The following NAMPT variants were observed in gnomAD, a reference collection of about 807,000 sequenced individuals.
The protein encoded by NAMPT is nicotinamide phosphoribosyltransferase.
In NAMPT, 7 loss-of-function variants were observed where a neutral mutation model predicts 58.7. The observed-to-expected ratio is 0.12, with a 90% CI of 0.07 to 0.22. The LOEUF is 0.22. Ranked by LOEUF, NAMPT falls within the 10% of genes least tolerant of loss-of-function variation. The pLI, the probability that NAMPT is intolerant of heterozygous loss-of-function variation, is 1.00. For synonymous variants in NAMPT, 145 were observed against 198.1 expected, an observed-to-expected ratio of 0.73 and a Z score of 2.25; for missense variants, 271 against 567.9, an observed-to-expected ratio of 0.48 and a Z score of 5.31.
chr7:106,284,648 T>G, intron 1 of NAMPT, 180 bp downstream of exon 1: 3 of 606,056 alleles, frequency 5.0e-6, no homozygotes, highest in Non-Finnish European at 6.5e-6. Flanking sequence ...TCCTGCCCAC[T>G]GCGGCGCCTC....
intron 8 of NAMPT, among the ~76,000 whole-genome samples, chr7:106,259,870 G>A (rs551556531): frequency 2.1e-5 from 3 of 142,034 alleles, no homozygotes; most frequent in African/African-American, 7.7e-5. Context: ...ATGATATTTC[G>A]AAACAATCTT....
intron 4 of NAMPT, among the ~76,000 whole-genome samples, chr7:106,271,430 A>C (rs28537611): frequency 0.023 from 3,446 of 152,124 alleles, 138 homozygotes; most frequent in African/African-American, 0.079. Context: ...TGAATTGCCA[A>C]CTCTCACTCA....
At chr7:106,251,943 C>G (rs1792111134) in intron 10 of NAMPT, among the ~76,000 whole-genome samples, 1 of 151,852 alleles carries the variant, frequency 6.6e-6, no homozygotes, top group Admixed American at 6.6e-5. Flanking sequence ...AATTTTCCAC[C>G]TAGTCTGAAG....
intron 9 of NAMPT, 140 bp from the exon 10 acceptor site, chr7:106,253,291 C>G: frequency 1.2e-6 from 1 of 807,580 alleles, no homozygotes; most frequent in Non-Finnish European, 1.9e-6. Flanking sequence ...CAATCCACAT[C>G]TGGCTTTCAG....
intron 6 of NAMPT, among the ~76,000 whole-genome samples, chr7:106,267,872 A>AAAAAAAAAAAACAAAAC (rs1562815992): frequency 7.3e-6 from 1 of 136,200 alleles, no homozygotes; most frequent in African/African-American, 2.9e-5. Context: ...AAAAAAAAAA[A>AAAAAAAAAAAACAAAAC]AAAACAACCT....
intron 1 of NAMPT, among the ~76,000 whole-genome samples, chr7:106,278,820 C>A (rs1792700049): frequency 6.6e-6 from 1 of 152,150 alleles, no homozygotes; most frequent in Non-Finnish European, 1.5e-5. Flanking sequence ...AAGAAAAGCA[C>A]ACACGATGAA....
At chr7:106,283,923 G>T (rs1792812931) in intron 1 of NAMPT, among the ~76,000 whole-genome samples, 1 of 152,190 alleles carries the variant, frequency 6.6e-6, no homozygotes, top group Non-Finnish European at 1.5e-5. Flanking sequence ...TGCTGCTCAA[G>T]TAAAATTTAC....
At chr7:106,262,739 CTG>C (rs947140762) in intron 7 of NAMPT, among the ~76,000 whole-genome samples, 3 of 152,040 alleles carry the variant, frequency 2.0e-5, no homozygotes, top group Non-Finnish European at 4.4e-5. Context: ...TTTTAAGCCT[CTG>C]TTTTTTTCTT....
upstream of NAMPT, chr7:106,285,159 C>T (rs1051160260): frequency 5.9e-5 from 74 of 1,250,904 alleles, no homozygotes; most frequent in Admixed American, 1.2e-4. Context: ...CCCCGTCACC[C>T]TCCGGGGGCC....
At chr7:106,258,398 T>C (rs920912257) in intron 8 of NAMPT, among the ~76,000 whole-genome samples, 1 of 152,260 alleles carries the variant, frequency 6.6e-6, no homozygotes, top group Non-Finnish European at 1.5e-5. Context: ...TTGTGTTTCA[T>C]AGCTGTAGAT....
chr7:106,254,058 T>C (rs1792151923), intron 9 of NAMPT, among the ~76,000 whole-genome samples: 1 of 152,142 alleles, frequency 6.6e-6, no homozygotes, highest in South Asian at 2.1e-4. Flanking sequence ...AAGCTGACAT[T>C]CCTACTCAAA....
intron 4 of NAMPT, 141 bp from the exon 5 acceptor site, chr7:106,269,453 T>C: frequency 1.4e-6 from 1 of 740,556 alleles, no homozygotes; most frequent in Non-Finnish European, 2.1e-6. Context: ...CGCAGCAGGA[T>C]GCCTGCTGTG....
chr7:106,262,759 A>G (rs1053060173), intron 7 of NAMPT, among the ~76,000 whole-genome samples: 1 of 152,116 alleles, frequency 6.6e-6, no homozygotes, highest in Non-Finnish European at 1.5e-5. Context: ...CTTCTATAAC[A>G]GAGACAGTAA....
At chr7:106,279,398 G>C (rs1237322704) in intron 1 of NAMPT, among the ~76,000 whole-genome samples, 1 of 150,142 alleles carries the variant, frequency 6.7e-6, no homozygotes, top group African/African-American at 2.4e-5. Context: ...GTTTACAGAA[G>C]AATACAGAGC....
At chr7:106,270,268 ATTG>A (rs1792507468) in intron 4 of NAMPT, 2 of 411,986 alleles carry the variant, frequency 4.9e-6, no homozygotes, top group Non-Finnish European at 1.0e-5. Context: ...TATAAACCAG[ATTG>A]TTATTTGAAG....
Position 106,267,668 on chromosome 7 carries a change from C to T in NAMPT, c.743+796G>A, listed in dbSNP as rs990232133. Among the ~76,000 whole-genome samples, 16 of 150,432 alleles carry T rather than the reference C, an allele frequency of 1.1e-4. No individual in the cohort carries two copies. The East Asian group carries it at 2.5e-3, about 24-fold the overall frequency. Reference sequence around the variant, plus strand: ...CATCCTGACTAAAACGGTGAAACCCCGTCTCTACTAAAAATACAAAAAATT... The same window carrying T: ...CATCCTGACTAAAACGGTGAAACCCTGTCTCTACTAAAAATACAAAAAATT... On this transcript the variant is annotated intron_variant, in intron 6 of 10. Transcript: ENST00000222553.
intron 7 of NAMPT, 42 bp downstream of exon 7, chr7:106,263,350 T>C: frequency 7.1e-7 from 1 of 1,400,586 alleles, no homozygotes. Flanking sequence ...GCAGCTGGCC[T>C]ACAGAGGGAT....
At chr7:106,276,717 C>A in intron 2 of NAMPT, 1 of 284,520 alleles carries the variant, frequency 3.5e-6, no homozygotes, top group Non-Finnish European at 6.9e-6. Context: ...TGGTGCATGC[C>A]TGTAATCCCA....
intron 8 of NAMPT, 129 bp downstream of exon 8, chr7:106,261,457 GCA>G (rs1489060651): frequency 5.5e-6 from 4 of 728,760 alleles, no homozygotes; most frequent in Non-Finnish European, 8.7e-6. Flanking sequence ...TTTAAGCAAT[GCA>G]CAGAGATTTA....
Sources: allele counts gnomAD v4.1 joint callset (sites outside exome capture counted in the v4.1 genomes callset), GRCh38; gene constraint gnomAD v4.1.1; transcripts MANE v1.5; gene names NCBI Gene and HGNC (gene_info 2026-07-23, HGNC 2026-07-21).